The following SSTR3 variants were observed in gnomAD, a reference collection of about 807,000 sequenced individuals.
SSTR3 encodes somatostatin receptor type 3.
For missense variants in SSTR3, 504 were observed against 604.7 expected (o/e 0.83, Z 1.75); for synonymous variants, 281 against 269.2 (o/e 1.04, Z -0.43).
At chr22:37,213,960 C>T (rs1926331101), upstream of SSTR3, among the ~76,000 whole-genome samples, 1 of 152,184 alleles carries the variant, frequency 6.6e-6, no homozygotes, top group African/African-American at 2.4e-5. Context: ...GTTTGAGCCC[C>T]AGCTCTACCC....
chr22:37,208,759 C>T (rs1343660436), intron 1 of SSTR3, among the ~76,000 whole-genome samples: 1 of 152,104 alleles, frequency 6.6e-6, no homozygotes, highest in African/African-American at 2.4e-5. Context: ...CCCTGCGAGA[C>T]TCTGATCCCC....
In SSTR3 at chr22:37,207,354, G is replaced by A. The variant is rs1477542547; in HGVS notation, c.450C>T (p.Arg150=). The A allele has an allele frequency of 6.2e-7, 1 of 1,608,334 alleles. No homozygotes were observed. The change falls in exon 2 of 2, where the codon CGC becomes CGT. Residue 150 remains arginine (R), a synonymous_variant. Transcript: ENST00000610913. ...DRYLAVVHPT[R]SARWRTAPVA... ...CCGGAGCTGTGCGCCAGCGGGCCGA[G>A]CGGGTGGGATGTACCACGGCCAGGT...
At chr22:37,208,835 C>T (rs1004035625) in intron 1 of SSTR3, among the ~76,000 whole-genome samples, 2 of 152,212 alleles carry the variant, frequency 1.3e-5, no homozygotes, top group African/African-American at 4.8e-5. Flanking sequence ...CACTTCCGCA[C>T]AGGCACGAGC....
intron 1 of SSTR3, among the ~76,000 whole-genome samples, chr22:37,208,494 T>C (rs922824913): frequency 1.3e-5 from 2 of 152,084 alleles, no homozygotes; most frequent in Non-Finnish European, 2.9e-5. Flanking sequence ...AGGTTGGCTG[T>C]GAACCTGGGG....
At chr22:37,210,550 A>G (rs757988288) in intron 1 of SSTR3, 21 of 985,392 alleles carry the variant, frequency 2.1e-5, no homozygotes, top group Non-Finnish European at 2.4e-5. Context: ...CAGACCTGCA[A>G]TTGAGGTGCC....
At chr22:37,213,266 A>G (rs1331822982), upstream of SSTR3, among the ~76,000 whole-genome samples, 1 of 152,230 alleles carries the variant, frequency 6.6e-6, no homozygotes, top group Non-Finnish European at 1.5e-5. Flanking sequence ...TCCTGAGCAC[A>G]GGCCCAGATG....
chr22:37,218,290 C>T, the SSTR3 span, among the ~76,000 whole-genome samples: 3 of 152,228 alleles, frequency 2.0e-5, no homozygotes, highest in South Asian at 2.1e-4. Flanking sequence ...GGCATGGTGG[C>T]TCACACCTGT....
At chr22:37,209,446 C>T (rs1926059715) in intron 1 of SSTR3, among the ~76,000 whole-genome samples, 2 of 152,216 alleles carry the variant, frequency 1.3e-5, no homozygotes, top group Non-Finnish European at 1.5e-5. Flanking sequence ...GGGTCATCCC[C>T]TAACCTGTCC....
At chr22:37,219,587 G>A in the SSTR3 span, among the ~76,000 whole-genome samples, 1,326 of 152,318 alleles carry the variant, frequency 8.7e-3, 11 homozygotes, top group African/African-American at 0.03. Context: ...TCTCTCTGGA[G>A]CGTGGTAGGA....
chr22:37,209,678 G>A (rs1397648012), intron 1 of SSTR3, among the ~76,000 whole-genome samples: 1 of 152,190 alleles, frequency 6.6e-6, no homozygotes, highest in African/African-American at 2.4e-5. Context: ...TGCACAGATG[G>A]GGAGCAAACG....
Position 37,207,288 on chromosome 22 carries a change from G to A in SSTR3, c.516C>T (p.Ala172=), listed in dbSNP as rs141903633. 5.1e-4 allele frequency: 817 copies of A among 1,592,988 alleles called. 4 individuals carry two copies. In the African/African-American group the frequency reaches 8.7e-3, roughly 17 times the overall value. The change falls in exon 2 of 2, where the codon GCC becomes GCT. Residue 172 remains alanine, a synonymous_variant. Coordinates refer to ENST00000610913, the MANE Select transcript of SSTR3 (RefSeq NM_001051.5). ...TVSAAVWVAS[A]VVVLPVVVFS... ...AGACCACCACGGGCAGCACCACCAC[G>A]GCTGAGGCCACCCACACAGCCGCGC...
At chr22:37,219,667 A>G in the SSTR3 span, among the ~76,000 whole-genome samples, 1 of 152,164 alleles carries the variant, frequency 6.6e-6, no homozygotes, top group African/African-American at 2.4e-5. Context: ...CCAAAAAGTC[A>G]AGGTTTCAGT....
chr22:37,210,762 G>A, intron 1 of SSTR3: 1 of 985,482 alleles, frequency 1.0e-6, no homozygotes, highest in Non-Finnish European at 1.2e-6. Flanking sequence ...GTTCAGGGAG[G>A]CCAGGCACCC....
rs1007616251 is a variant in SSTR3, at chr22:37,206,832, G to A, written c.972C>T (p.Phe324=). 1 of 1,612,954 alleles carries A rather than the reference G, an allele frequency of 6.2e-7. No homozygotes were observed. Among genetic ancestry groups the A allele is most frequent in the African/African-American group, 1.3e-5 (1 of 74,940 alleles). The change falls in exon 2 of 2, where the codon TTC becomes TTT. Residue 324 remains phenylalanine, a synonymous_variant. Transcript: ENST00000610913. ...GFLSYRFKQG[F]RRVLLRPSRR... The stretch of plus-strand genomic sequence containing the variant: ...GGGAGGGCCGCAGCAGGACCCTGCG[G>A]AAGCCCTGCTTGAAGCGGTAGGAGA...
the SSTR3 span, among the ~76,000 whole-genome samples, chr22:37,217,862 C>A: frequency 6.6e-6 from 1 of 152,112 alleles, no homozygotes; most frequent in South Asian, 2.1e-4. Flanking sequence ...TGCCACCACA[C>A]CCAGCTAATT....
At chr22:37,213,744 C>T (rs112392594), upstream of SSTR3, among the ~76,000 whole-genome samples, 8 of 152,186 alleles carry the variant, frequency 5.3e-5, no homozygotes, top group African/African-American at 1.9e-4. Context: ...ACCACCCACC[C>T]CTACCCACGG....
At chr22:37,212,952 T>A (rs1266348942), upstream of SSTR3, among the ~76,000 whole-genome samples, 2 of 152,168 alleles carry the variant, frequency 1.3e-5, no homozygotes, top group African/African-American at 4.8e-5. Flanking sequence ...GAGGGCAAAA[T>A]CATTGTGCAG....
chr22:37,219,666 C>T, the SSTR3 span, among the ~76,000 whole-genome samples: 6 of 152,226 alleles, frequency 3.9e-5, no homozygotes, highest in African/African-American at 1.4e-4. Flanking sequence ...TCCAAAAAGT[C>T]AAGGTTTCAG....
rs1213117313 is a variant in SSTR3 at position 37,206,556 on chromosome 22, G to A, written c.1248C>T (p.Ser416=). 6.9e-6 allele frequency: 11 copies of A among 1,604,432 alleles called. No individual in the cohort carries two copies. Among genetic ancestry groups the A allele is most frequent in the Non-Finnish European group, 9.4e-6 (11 of 1,174,614 alleles). Residue 416 remains serine (S), a synonymous_variant, in exon 2 of 2, where the codon AGC becomes AGT. Transcript: ENST00000610913. ...TGEKSSTMRI[S]YL ...GGCTTTCCCCAGGCCCCTACAGGTA[G>A]CTGATGCGCATCGTGCTGGACTTCT...
Sources: gnomAD v4.1 joint callset for allele counts (sites outside exome capture counted in the v4.1 genomes callset) on GRCh38, gnomAD v4.1.1 for gene constraint, MANE v1.5 for transcripts, NCBI Gene and HGNC (gene_info 2026-07-23, HGNC 2026-07-21) for gene names.